KIAA0825: variants seen among roughly 807,000 people sequenced by gnomAD.
The protein encoded by KIAA0825 is uncharacterized protein KIAA0825.
In KIAA0825, 119 loss-of-function variants were observed where a neutral mutation model predicts 147.6. That is an observed-to-expected ratio of 0.81 (90% CI 0.69 to 0.94). The LOEUF (loss-of-function observed/expected upper bound fraction) is 0.94. Ranked by LOEUF, KIAA0825 falls within the 40% of genes least tolerant of loss-of-function variation. The pLI is 0.00. For synonymous variants in KIAA0825, 470 were observed against 518.1 expected (o/e 0.91, Z 1.26); for missense variants, 1,381 against 1,472.7 (o/e 0.94, Z 1.02).
intron 17 of KIAA0825, among the ~76,000 whole-genome samples, chr5:94,395,745 A>G (rs941224660): frequency 6.6e-6 from 1 of 152,142 alleles, no homozygotes; most frequent in Non-Finnish European, 1.5e-5. Context: ...CTCCATGCCC[A>G]ATCCATTTAC....
At chr5:94,483,848 T>G (rs1222212844) in intron 6 of KIAA0825, among the ~76,000 whole-genome samples, 2 of 151,690 alleles carry the variant, frequency 1.3e-5, no homozygotes, top group Admixed American at 1.3e-4. Flanking sequence ...AAAATAATTT[T>G]ACCAAGAGAT....
intron 5 of KIAA0825, among the ~76,000 whole-genome samples, chr5:94,491,687 T>C (rs183380735): frequency 6.6e-6 from 1 of 152,316 alleles, no homozygotes; most frequent in East Asian, 1.9e-4. Flanking sequence ...TTTACTTATT[T>C]TGAGAATTTA....
intron 18 of KIAA0825, among the ~76,000 whole-genome samples, chr5:94,391,215 G>C (rs1225081424): frequency 6.6e-6 from 1 of 152,180 alleles, no homozygotes; most frequent in Non-Finnish European, 1.5e-5. Flanking sequence ...ACAAATACCA[G>C]ATTTTAACAT....
At chr5:94,392,058 T>A (rs989631014) in intron 17 of KIAA0825, among the ~76,000 whole-genome samples, 1 of 152,258 alleles carries the variant, frequency 6.6e-6, no homozygotes, top group Admixed American at 6.5e-5. Flanking sequence ...ATTTTCTCTT[T>A]GTGGATAAAA....
At chr5:94,158,126 C>A (rs893167828) in intron 20 of KIAA0825, among the ~76,000 whole-genome samples, 4 of 152,126 alleles carry the variant, frequency 2.6e-5, no homozygotes, top group African/African-American at 9.7e-5. Flanking sequence ...AGATGAATCA[C>A]CCCAGGCAAG....
At chr5:94,161,582 G>T (rs187194306) in intron 20 of KIAA0825, among the ~76,000 whole-genome samples, 23 of 152,150 alleles carry the variant, frequency 1.5e-4, no homozygotes, top group African/African-American at 5.3e-4. Context: ...ATACTGCTTT[G>T]TTACATCTTT....
intron 4 of KIAA0825, among the ~76,000 whole-genome samples, chr5:94,521,585 AC>A (rs1238596995): frequency 1.3e-5 from 2 of 151,838 alleles, no homozygotes; most frequent in East Asian, 3.9e-4. Flanking sequence ...CAAAGAAATA[AC>A]CCAAAATGAG....
intron 14 of KIAA0825, among the ~76,000 whole-genome samples, chr5:94,438,774 T>C (rs1756694123): frequency 6.6e-6 from 1 of 152,166 alleles, no homozygotes; most frequent in African/African-American, 2.4e-5. Context: ...TGACTGAAGC[T>C]ATTTACACAA....
At chr5:94,246,827 T>C (rs1276406878) in intron 20 of KIAA0825, among the ~76,000 whole-genome samples, 3 of 152,186 alleles carry the variant, frequency 2.0e-5, no homozygotes, top group Admixed American at 6.6e-5. Flanking sequence ...CCCAGAACTT[T>C]ATGACTGCAA....
chr5:94,500,387 G>A (rs181332175), intron 5 of KIAA0825, among the ~76,000 whole-genome samples: 72 of 152,334 alleles, frequency 4.7e-4, no homozygotes, highest in Admixed American at 7.8e-4. Flanking sequence ...AAATGGAGAA[G>A]AGGAGATAGA....
intron 20 of KIAA0825, among the ~76,000 whole-genome samples, chr5:94,186,861 G>C (rs942882664): frequency 3.3e-5 from 5 of 152,170 alleles, no homozygotes; most frequent in Admixed American, 3.3e-4. Flanking sequence ...CCCAAGGGAA[G>C]ACATGAGGGT....
chr5:94,329,599 A>G (rs1013039748), intron 20 of KIAA0825, among the ~76,000 whole-genome samples: 5 of 152,266 alleles, frequency 3.3e-5, no homozygotes, highest in African/African-American at 1.2e-4. Context: ...TCTCACATTG[A>G]TAGAACTAAG....
At chr5:94,302,190 A>G (rs1778451170) in intron 20 of KIAA0825, among the ~76,000 whole-genome samples, 2 of 152,132 alleles carry the variant, frequency 1.3e-5, no homozygotes, top group South Asian at 2.1e-4. Context: ...AAATACATCA[A>G]GTTTTAAAAT....
At chr5:94,161,000 C>A (rs1162267504) in intron 20 of KIAA0825, among the ~76,000 whole-genome samples, 1 of 152,138 alleles carries the variant, frequency 6.6e-6, no homozygotes, top group Non-Finnish European at 1.5e-5. Context: ...CCCACATATC[C>A]AATTGTTGTT....
At chr5:94,188,100 T>C (rs1770314301) in intron 20 of KIAA0825, among the ~76,000 whole-genome samples, 1 of 152,158 alleles carries the variant, frequency 6.6e-6, no homozygotes, top group Non-Finnish European at 1.5e-5. Context: ...GTTGGCTGTC[T>C]ACAACCCAGA....
At chr5:94,518,144 T>C (rs1767558525) in intron 5 of KIAA0825, among the ~76,000 whole-genome samples, 1 of 152,176 alleles carries the variant, frequency 6.6e-6, no homozygotes, top group South Asian at 2.1e-4. Flanking sequence ...CAGACATAGA[T>C]TAAAGATAAT....
chr5:94,465,668 T>C (rs745467258), intron 10 of KIAA0825, among the ~76,000 whole-genome samples: 1 of 152,134 alleles, frequency 6.6e-6, no homozygotes, highest in Non-Finnish European at 1.5e-5. Flanking sequence ...ATAGTCTGAG[T>C]TTACAAGATT....
chr5:94,291,201 C>G (rs1236864907), intron 20 of KIAA0825, among the ~76,000 whole-genome samples: 4 of 151,824 alleles, frequency 2.6e-5, no homozygotes, highest in Non-Finnish European at 5.9e-5. Flanking sequence ...AAGTCTCTGC[C>G]CATGCCTATG....
At chr5:94,316,986 G>A (rs1401901568) in intron 20 of KIAA0825, among the ~76,000 whole-genome samples, 1 of 151,768 alleles carries the variant, frequency 6.6e-6, no homozygotes, top group Non-Finnish European at 1.5e-5. Context: ...CTGATGACAA[G>A]TGATATGAGA....
Sources: allele counts gnomAD v4.1 joint callset (sites outside exome capture counted in the v4.1 genomes callset), GRCh38; gene constraint gnomAD v4.1.1; transcripts MANE v1.5; gene names NCBI Gene and HGNC (gene_info 2026-07-23, HGNC 2026-07-21).